The following ULK4 variants were observed in gnomAD, a reference collection of about 807,000 sequenced individuals.
ULK4 encodes unc-51 like kinase 4, also known as inactive serine/threonine-protein kinase ULK4.
A neutral mutation model predicts 160.6 loss-of-function variants in ULK4; 133 were observed. That is an observed-to-expected ratio of 0.83 (90% confidence interval 0.72 to 0.96). The LOEUF (loss-of-function observed/expected upper bound fraction) is 0.96, where lower values mean the gene tolerates loss of function less well. Among genes scored for constraint, ULK4 ranks in the 40% least tolerant of loss-of-function variants. The pLI is 0.00. For missense variants in ULK4, 1,580 were observed against 1,499.5 expected (o/e 1.05, Z -0.89); for synonymous variants, 534 against 539.8 (o/e 0.99, Z 0.15).
intron 21 of ULK4, among the ~76,000 whole-genome samples, chr3:41,755,652 A>T (rs1254585218): frequency 6.6e-6 from 1 of 152,192 alleles, no homozygotes; most frequent in Non-Finnish European, 1.5e-5. Flanking sequence ...ATATACACAC[A>T]TAATTCCAAA....
intron 34 of ULK4, among the ~76,000 whole-genome samples, chr3:41,442,149 T>A (rs1440520096): frequency 6.6e-6 from 1 of 152,114 alleles, no homozygotes; most frequent in East Asian, 1.9e-4. Context: ...GGCCCCAAAG[T>A]GGACTGTTAG....
intron 35 of ULK4, among the ~76,000 whole-genome samples, chr3:41,296,308 C>T (rs564221744): frequency 7.2e-5 from 11 of 152,056 alleles, no homozygotes; most frequent in East Asian, 1.9e-4. Flanking sequence ...ATACGTACCT[C>T]GGTTTGAAAG....
chr3:41,485,791 T>C (rs538856721), intron 32 of ULK4, among the ~76,000 whole-genome samples: 11 of 152,230 alleles, frequency 7.2e-5, no homozygotes, highest in African/African-American at 1.4e-4. Context: ...AGCTTTTACA[T>C]ATCAAATCTC....
chr3:41,875,079 C>A (rs1374488485), intron 17 of ULK4, among the ~76,000 whole-genome samples: 2 of 152,094 alleles, frequency 1.3e-5, no homozygotes, highest in African/African-American at 4.8e-5. Context: ...ACTGGGGAGG[C>A]TGAAGTGGGA....
intron 32 of ULK4, among the ~76,000 whole-genome samples, chr3:41,502,864 T>A (rs537181404): frequency 6.6e-6 from 1 of 152,214 alleles, no homozygotes; most frequent in Non-Finnish European, 1.5e-5. Flanking sequence ...ATTATGGTGA[T>A]GGCTTCACAA....
At chr3:41,887,714 G>A (rs1389980399) in intron 16 of ULK4, among the ~76,000 whole-genome samples, 19 of 152,056 alleles carry the variant, frequency 1.2e-4, no homozygotes, top group African/African-American at 4.6e-4. Context: ...CCAGCTACTC[G>A]GGAGGCTGAG....
At chr3:41,352,803 G>A (rs1221424782) in intron 35 of ULK4, among the ~76,000 whole-genome samples, 3 of 152,172 alleles carry the variant, frequency 2.0e-5, no homozygotes, top group Non-Finnish European at 2.9e-5. Context: ...CTTGCAGGAA[G>A]GCAGATGATT....
chr3:41,482,082 TTAATA>T (rs889206633), intron 32 of ULK4, among the ~76,000 whole-genome samples: 1 of 152,132 alleles, frequency 6.6e-6, no homozygotes, highest in African/African-American at 2.4e-5. Flanking sequence ...ACCACTTTAC[TTAATA>T]TATTTGCTTT....
chr3:41,447,712 T>A (rs1389614700), intron 34 of ULK4, among the ~76,000 whole-genome samples: 1 of 152,140 alleles, frequency 6.6e-6, no homozygotes, highest in Non-Finnish European at 1.5e-5. Flanking sequence ...TGTATTGCGG[T>A]GGCTATAAGC....
intron 35 of ULK4, among the ~76,000 whole-genome samples, chr3:41,358,624 T>C (rs533970738): frequency 1.3e-5 from 2 of 151,980 alleles, no homozygotes; most frequent in African/African-American, 4.8e-5. Context: ...GGGGTACAAG[T>C]ATACTTGGTG....
intron 32 of ULK4, among the ~76,000 whole-genome samples, chr3:41,509,093 G>A (rs537574973): frequency 1.3e-5 from 2 of 151,948 alleles, no homozygotes; most frequent in East Asian, 1.9e-4. Flanking sequence ...TATGAAAGGA[G>A]AAATCTTCAA....
chr3:41,849,393 A>T (rs1288318018), intron 17 of ULK4, among the ~76,000 whole-genome samples: 2 of 152,210 alleles, frequency 1.3e-5, no homozygotes, highest in Non-Finnish European at 2.9e-5. Flanking sequence ...CAACCACTAG[A>T]GAAGCAGCAC....
chr3:41,941,705 G>A lies in ULK4; in HGVS notation c.139-3508C>T, dbSNP rs140704375. Among the ~76,000 whole-genome samples, 649 of 122,302 alleles carry A rather than the reference G, an allele frequency of 5.3e-3. 5 individuals are homozygous for A. Among genetic ancestry groups the A allele is most frequent in the African/African-American group, 0.018 (614 of 34,744 alleles). 80.2% of individuals were successfully genotyped at this position (122,302 alleles called of 152,430 possible). On this transcript the variant is annotated intron_variant, in intron 2 of 36. Transcript: ENST00000301831. ...CCGGGAAGTCAAGGCACAGTGAGCC[G>A]TGATCACATCACTGCACTCCAGCCT...
At chr3:41,443,742 T>C (rs897859372) in intron 34 of ULK4, among the ~76,000 whole-genome samples, 4 of 120,618 alleles carry the variant, frequency 3.3e-5, no homozygotes, top group African/African-American at 7.0e-5. Flanking sequence ...TAATTTTAAA[T>C]ATATATTTTC....
In ULK4 at chr3:41,681,592, T is replaced by C. The variant is rs1222747738; in HGVS notation, c.2894A>G (p.Gln965Arg). ...CTTCTCCTTGCCATCCCCAAACTCC[T>C]GGTTCACGAGTAGAGATGTGGTTTC... ...LSETTSLLVN[Q>R]EFGDGKEKAS... The change falls in exon 29 of 37, where the codon CAG (glutamine) becomes CGG (arginine). Residue 965 changes from glutamine (Q) to arginine (R), a missense_variant. By Grantham distance (43) the Gln-to-Arg change is conservative (BLOSUM62 1). Transcript: ENST00000301831. 1 of 1,613,762 alleles carries C rather than the reference T, an allele frequency of 6.2e-7. No individual in the cohort carries two copies. The highest frequency in any genetic ancestry group is 2.2e-5 in the East Asian group (1 of 44,864).
At chr3:41,767,629 C>CA (rs370165168) in intron 21 of ULK4, among the ~76,000 whole-genome samples, 11 of 148,936 alleles carry the variant, frequency 7.4e-5, no homozygotes, top group East Asian at 1.9e-4. Context: ...TTGAGCCATG[C>CA]AAAAAAAAAG....
intron 3 of ULK4, 65 bp from the exon 4 acceptor site, chr3:41,936,005 T>C: frequency 6.4e-7 from 1 of 1,573,828 alleles, no homozygotes; most frequent in Non-Finnish European, 8.6e-7. Context: ...CCCTGAGAGG[T>C]TCCACGCTGA....
chr3:41,444,721 T>G (rs1366387425), intron 34 of ULK4, among the ~76,000 whole-genome samples: 2 of 152,122 alleles, frequency 1.3e-5, no homozygotes, highest in African/African-American at 4.8e-5. Context: ...GGCTCACATC[T>G]GTAATCCCAG....
At chr3:41,647,643 G>A (rs534321402) in intron 30 of ULK4, among the ~76,000 whole-genome samples, 1 of 152,292 alleles carries the variant, frequency 6.6e-6, no homozygotes, top group South Asian at 2.1e-4. Flanking sequence ...GGGGGTCAGG[G>A]GTCAGGGACC....
Sources: gnomAD v4.1 joint callset for allele counts (sites outside exome capture counted in the v4.1 genomes callset) on GRCh38, gnomAD v4.1.1 for gene constraint, MANE v1.5 for transcripts, NCBI Gene and HGNC (gene_info 2026-07-23, HGNC 2026-07-21) for gene names.